The following POLD3 variants were observed in gnomAD, a reference collection of about 807,000 sequenced individuals.
POLD3 encodes the protein DNA polymerase delta 3, accessory subunit, also known as DNA polymerase delta subunit 3.
Under a neutral mutation model 58.2 loss-of-function variants are expected in POLD3, and 19 were observed. That is an observed-to-expected ratio of 0.33 (90% CI 0.23 to 0.48). The LOEUF (loss-of-function observed/expected upper bound fraction) is 0.48. Among genes scored for constraint, POLD3 ranks in the 20% least tolerant of loss-of-function variants. The pLI is 0.99. For synonymous variants in POLD3, 172 were observed against 193.5 expected, an observed-to-expected ratio of 0.89 and a Z score of 0.92; for missense variants, 504 against 545.5, an observed-to-expected ratio of 0.92 and a Z score of 0.76.
At chr11:74,617,178 T>C (rs1187966251) in intron 5 of POLD3, among the ~76,000 whole-genome samples, 1 of 152,218 alleles carries the variant, frequency 6.6e-6, no homozygotes, top group Non-Finnish European at 1.5e-5. Flanking sequence ...CAATGTGGAA[T>C]GTTACATTAT....
At chr11:74,614,195 T>G (rs1350541453) in intron 5 of POLD3, among the ~76,000 whole-genome samples, 1 of 152,230 alleles carries the variant, frequency 6.6e-6, no homozygotes, top group Non-Finnish European at 1.5e-5. Context: ...GGGGAGCCAC[T>G]GAAAATATTT....
intron 9 of POLD3, among the ~76,000 whole-genome samples, chr11:74,633,656 C>T (rs750373441): frequency 1.5e-4 from 23 of 152,080 alleles, no homozygotes; most frequent in Admixed American, 1.3e-3. Context: ...TTTTTACTTC[C>T]CCTCTCATGG....
At chr11:74,663,934 TAAG>T (rs1314534687) in intron 4 of POLD3, among the ~76,000 whole-genome samples, 4 of 152,088 alleles carry the variant, frequency 2.6e-5, no homozygotes, top group East Asian at 1.9e-4. Context: ...AGCTCAATAT[TAAG>T]AAGACCCAAT....
At chr11:74,648,359 A>G (rs2033027046) in intron 4 of POLD3, among the ~76,000 whole-genome samples, 1 of 152,164 alleles carries the variant, frequency 6.6e-6, no homozygotes, top group South Asian at 2.1e-4. Flanking sequence ...TTTGAACTCT[A>G]GTCTTTCTGA....
chr11:74,651,164 A>G (rs766525630), intron 4 of POLD3, among the ~76,000 whole-genome samples: 9 of 152,214 alleles, frequency 5.9e-5, no homozygotes, highest in Non-Finnish European at 7.3e-5. Context: ...CGGACTGTCT[A>G]TCATTCTATC....
At chr11:74,625,842 A>G (rs1424902580) in intron 8 of POLD3, among the ~76,000 whole-genome samples, 1 of 147,108 alleles carries the variant, frequency 6.8e-6, no homozygotes, top group Admixed American at 6.8e-5. Context: ...TTTGTTTTAA[A>G]TTTGTGGACA....
chr11:74,660,968 A>G (rs529453700), intron 4 of POLD3, among the ~76,000 whole-genome samples: 5 of 151,986 alleles, frequency 3.3e-5, no homozygotes, highest in East Asian at 1.9e-4. Context: ...TGCTTGGTCA[A>G]TTCTACTATT....
intron 4 of POLD3, among the ~76,000 whole-genome samples, chr11:74,667,059 G>A (rs2033278535): frequency 6.6e-6 from 1 of 151,984 alleles, no homozygotes. Flanking sequence ...ATATCCACAT[G>A]CACAGGAATA....
chr11:74,659,846 A>G (rs2033183362), intron 4 of POLD3, among the ~76,000 whole-genome samples: 1 of 152,168 alleles, frequency 6.6e-6, no homozygotes, highest in African/African-American at 2.4e-5. Context: ...AAACTTTTCC[A>G]CATTTTTCTG....
intron 2 of POLD3, among the ~76,000 whole-genome samples, chr11:74,600,416 C>T (rs981829176): frequency 1.3e-5 from 2 of 152,148 alleles, no homozygotes; most frequent in Admixed American, 1.3e-4. Context: ...CTGCTTCTGC[C>T]TCCCTGAGAG....
intron 2 of POLD3, among the ~76,000 whole-genome samples, chr11:74,596,030 ATTT>A (rs55653832): frequency 7.5e-5 from 10 of 133,820 alleles, no homozygotes; most frequent in Admixed American, 1.5e-4. Flanking sequence ...TTTTAATCTT[ATTT>A]TTTTTTTTTT....
chr11:74,625,304 C>T, intron 7 of POLD3, 104 bp from the exon 8 acceptor site: 2 of 848,566 alleles, frequency 2.4e-6, no homozygotes, highest in Non-Finnish European at 1.8e-6. Context: ...TCCTTTTTGC[C>T]CCTGCTCCTA....
At chr11:74,659,724 AG>A (rs775458733) in intron 4 of POLD3, among the ~76,000 whole-genome samples, 3 of 152,204 alleles carry the variant, frequency 2.0e-5, no homozygotes, top group South Asian at 4.2e-4. Context: ...CCTTTGCTCC[AG>A]TTCCCAACAA....
chr11:74,648,275 C>T (rs1372128428), intron 4 of POLD3, among the ~76,000 whole-genome samples: 1 of 152,180 alleles, frequency 6.6e-6, no homozygotes, highest in Non-Finnish European at 1.5e-5. Context: ...CACCAGTGGA[C>T]TATATGTTAG....
At chr11:74,663,888 A>G (rs1017129897) in intron 4 of POLD3, among the ~76,000 whole-genome samples, 2 of 152,186 alleles carry the variant, frequency 1.3e-5, no homozygotes, top group Non-Finnish European at 2.9e-5. Flanking sequence ...ATATTTGACA[A>G]AAGACTTTTA....
chr11:74,654,113 C>G (rs183833793), intron 4 of POLD3, among the ~76,000 whole-genome samples: 1 of 152,322 alleles, frequency 6.6e-6, no homozygotes, highest in Admixed American at 6.5e-5. Context: ...AAACACCTCC[C>G]CTCAGCCCTG....
Position 74,641,776 on chromosome 11 carries a change from A to G in POLD3, c.*1010A>G. On this transcript the variant is annotated 3_prime_UTR_variant, in exon 12 of 12. Transcript: ENST00000263681. ...AAGATAAGGCACACATTTATTTATA[A>G]ATGGATGTTGCTCCTTTGTATTTTT... The G allele has an allele frequency of 1.0e-6, 1 of 985,266 alleles. No homozygotes were observed. Among genetic ancestry groups the G allele is most frequent in the African/African-American group, 1.7e-5 (1 of 57,356 alleles). The allele number at this position is 985,266 out of a possible 1,614,324, so 61.0% of individuals were successfully genotyped here. A position where few individuals can be genotyped will look rare whatever the true frequency, so the allele number is the denominator to read the frequency against.
downstream of POLD3, among the ~76,000 whole-genome samples, chr11:74,643,500 G>A (rs943500983): frequency 6.6e-6 from 1 of 152,176 alleles, no homozygotes; most frequent in Non-Finnish European, 1.5e-5. Flanking sequence ...GCAATGTACA[G>A]GGTCCTCCAA....
At chr11:74,601,018 C>A (rs2031476896) in intron 2 of POLD3, among the ~76,000 whole-genome samples, 1 of 152,088 alleles carries the variant, frequency 6.6e-6, no homozygotes, top group Non-Finnish European at 1.5e-5. Context: ...CGCACCCAGC[C>A]ACAAGAATTG....
Sources: allele counts gnomAD v4.1 joint callset (sites outside exome capture counted in the v4.1 genomes callset), GRCh38; gene constraint gnomAD v4.1.1; transcripts MANE v1.5; gene names NCBI Gene and HGNC (gene_info 2026-07-23, HGNC 2026-07-21).